The following PCDHGA11 variants were observed in gnomAD, a reference collection of about 807,000 sequenced individuals.
PCDHGA11 encodes the protein protocadherin gamma-A11.
PCDHGA11 carries 39 observed loss-of-function variants against 60.4 expected under a neutral mutation model. That is an observed-to-expected ratio of 0.65 (90% CI 0.50 to 0.84). PCDHGA11 has a LOEUF of 0.84. Among genes scored for constraint, PCDHGA11 ranks in the 40% least tolerant of loss-of-function variants. PCDHGA11 has a pLI of 0.00. For synonymous variants in PCDHGA11, 533 were observed against 510.3 expected (o/e 1.04, Z -0.60); for missense variants, 1,165 against 1,197.7 (o/e 0.97, Z 0.40).
intron 1 of PCDHGA11, among the ~76,000 whole-genome samples, chr5:141,464,436 TTTG>T (rs1043492514): frequency 1.1e-4 from 17 of 151,396 alleles, no homozygotes; most frequent in Non-Finnish European, 1.9e-4. Flanking sequence ...GATATATATG[TTTG>T]TTGTTGTTGT....
chr5:141,432,686 G>A lies in PCDHGA11; in HGVS notation c.2433+9026G>A. On this transcript the variant is annotated intron_variant, in intron 1 of 3. Transcript: ENST00000398587. The surrounding 1 kb of genome is among the most constrained non-coding windows in gnomAD (Gnocchi z 6.0). The stretch of plus-strand genomic sequence containing the variant: ...CAGAGACGCGCTCAAGCAGAGCCTC[G>A]TAGTGGCCGTCCAGGACCACGGCCA... 2 of 1,613,922 alleles carry A rather than the reference G, an allele frequency of 1.2e-6. No homozygotes were observed. The highest frequency in any genetic ancestry group is 1.7e-5 in the Admixed American group (1 of 60,020).
At chr5:141,434,193 T>C (rs2097677103) in intron 1 of PCDHGA11, among the ~76,000 whole-genome samples, 1 of 152,246 alleles carries the variant, frequency 6.6e-6, no homozygotes, top group Non-Finnish European at 1.5e-5. Flanking sequence ...GTAATTCCAA[T>C]GTACTTACTT....
Position 141,432,878 on chromosome 5 carries a change from TTCGTCA to T in PCDHGA11, c.2433+9221_2433+9226del. 6.2e-7 allele frequency: 1 copy of T among 1,614,178 alleles called. No individual in the cohort carries two copies. The highest frequency in any genetic ancestry group is 1.7e-5 in the Admixed American group (1 of 60,036). Reference sequence around the variant, plus strand: ...CGCGGTCTCCTGCGTCTTCCTGGCCTTCGTCATCTTGCTGCTGGCGCTCAGGCTGCG... The same window carrying T: ...CGCGGTCTCCTGCGTCTTCCTGGCCTTCTTGCTGCTGGCGCTCAGGCTGCG... On this transcript the variant is annotated intron_variant, in intron 1 of 3. Transcript: ENST00000398587. This position sits in a 1 kb window ranked among gnomAD's most constrained non-coding sequence, Gnocchi z 6.0.
chr5:141,511,140 C>T lies in PCDHGA11; in HGVS notation c.2775C>T (p.Asn925=). Reference sequence around the variant, plus strand: ...AGGCCCCAGCAGGTGGCAATGGCAACAAGAAGAAGTCGGGCAAGAAGGAGA... The same window carrying T: ...AGGCCCCAGCAGGTGGCAATGGCAATAAGAAGAAGTCGGGCAAGAAGGAGA... ...DGKAPAGGNG[N]KKKSGKKEKK is the part of the protein sequence containing the mutation. Residue 925 remains asparagine (N), a synonymous_variant, in exon 4 of 4, where the codon AAC becomes AAT. Transcript: ENST00000398587. The T allele has an allele frequency of 1.2e-6, 2 of 1,614,186 alleles. No homozygotes were observed. The highest frequency in any genetic ancestry group is 1.3e-5 in the African/African-American group (1 of 75,050).
At chr5:141,457,116 C>T (rs933634563) in intron 1 of PCDHGA11, among the ~76,000 whole-genome samples, 5 of 152,176 alleles carry the variant, frequency 3.3e-5, no homozygotes, top group Non-Finnish European at 7.3e-5. Flanking sequence ...AATACGACAG[C>T]AATGGAAACT....
intron 1 of PCDHGA11, chr5:141,424,567 A>T (rs1034112526): frequency 3.3e-5 from 5 of 152,176 alleles, no homozygotes; most frequent in African/African-American, 7.2e-5. Flanking sequence ...CTTCTCAAAA[A>T]CCTATTTTCA....
At chr5:141,453,517 C>T (rs1001603927) in intron 1 of PCDHGA11, among the ~76,000 whole-genome samples, 1 of 152,062 alleles carries the variant, frequency 6.6e-6, no homozygotes, top group African/African-American at 2.4e-5. Context: ...TCATTCCTCC[C>T]CTATACCTTC....
At chr5:141,505,241 T>C in intron 2 of PCDHGA11, 152 bp from the exon 3 acceptor site, 3 of 1,396,292 alleles carry the variant, frequency 2.1e-6, no homozygotes, top group South Asian at 1.4e-5. Flanking sequence ...TTCTGAAGGA[T>C]TGTAGAAGTG....
chr5:141,436,121 C>T (rs2097796819), intron 1 of PCDHGA11, among the ~76,000 whole-genome samples: 1 of 152,154 alleles, frequency 6.6e-6, no homozygotes, highest in Admixed American at 6.5e-5. Context: ...AAACCTCTCT[C>T]CTCCATCATC....
rs773484841 is a variant in PCDHGA11 at position 141,432,092 on chromosome 5, A to G, written c.2433+8432A>G. 4.3e-6 allele frequency: 7 copies of G among 1,614,104 alleles called. No individual in the cohort carries two copies. The East Asian group carries it at 1.6e-4, about 36-fold the overall frequency. On this transcript the variant is annotated intron_variant, in intron 1 of 3. Transcript: ENST00000398587. The surrounding 1 kb of genome is among the most constrained non-coding windows in gnomAD (Gnocchi z 6.0). Reference sequence around the variant, plus strand: ...TCATATCTCGCTGAACGTGGCAGACACCAACGACAACCCGCCGGTCTTCCC... The same window carrying G: ...TCATATCTCGCTGAACGTGGCAGACGCCAACGACAACCCGCCGGTCTTCCC...
intron 1 of PCDHGA11, among the ~76,000 whole-genome samples, chr5:141,434,935 T>C (rs952530533): frequency 6.6e-6 from 1 of 151,788 alleles, no homozygotes; most frequent in Non-Finnish European, 1.5e-5. Flanking sequence ...TTTTATATAA[T>C]AGATATAATT....
intron 1 of PCDHGA11, among the ~76,000 whole-genome samples, chr5:141,473,611 G>C (rs2099325261): frequency 6.6e-6 from 1 of 152,140 alleles, no homozygotes; most frequent in Non-Finnish European, 1.5e-5. Context: ...GCAAAGCAAA[G>C]GGAGGGAGGA....
intron 1 of PCDHGA11, among the ~76,000 whole-genome samples, chr5:141,460,997 G>A (rs1322943324): frequency 3.4e-5 from 5 of 147,290 alleles, no homozygotes; most frequent in Admixed American, 1.4e-4. Flanking sequence ...ATATATATAT[G>A]TGTATATATA....
In PCDHGA11 at chr5:141,432,219, T is replaced by A. The variant is rs1327611752; in HGVS notation, c.2433+8559T>A. 6.2e-7 allele frequency: 1 copy of A among 1,614,122 alleles called. No homozygotes were observed. Among genetic ancestry groups the A allele is most frequent in the East Asian group, 2.2e-5 (1 of 44,868 alleles). On this transcript the variant is annotated intron_variant, in intron 1 of 3. Transcript: ENST00000398587. The surrounding 1 kb of genome is among the most constrained non-coding windows in gnomAD (Gnocchi z 6.0). The stretch of plus-strand genomic sequence containing the variant: ...CCCGACTGTGAAGAGAACGCCCAGA[T>A]CACTTATTCCCTGGCTGAGAACACC...
In PCDHGA11 at chr5:141,432,255, C is replaced by T. The variant is rs1561859576; in HGVS notation, c.2433+8595C>T. The T allele has an allele frequency of 6.2e-7, 1 of 1,614,246 alleles. No individual in the cohort carries two copies. The highest frequency in any genetic ancestry group is 8.5e-7 in the Non-Finnish European group (1 of 1,180,048). On this transcript the variant is annotated intron_variant, in intron 1 of 3. Transcript: ENST00000398587. This position sits in a 1 kb window ranked among gnomAD's most constrained non-coding sequence, Gnocchi z 6.0. The stretch of plus-strand genomic sequence containing the variant: ...CTGGCTGAGAACACCATCCAAGGGG[C>T]AAGCCTATCGTCCTACGTGTCCATC...
intron 1 of PCDHGA11, among the ~76,000 whole-genome samples, chr5:141,453,121 G>A (rs62379169): frequency 4.7e-4 from 71 of 151,818 alleles, no homozygotes; most frequent in Non-Finnish European, 8.4e-4. Flanking sequence ...GTTTTGTTTT[G>A]TTTTGTTTTT....
In PCDHGA11 at chr5:141,512,237, G is replaced by A. The variant is rs2099884134; in HGVS notation, c.*1064G>A. ...AGGACCAGGTCCCCTTGAGAGGTCA[G>A]AGGGGCCTCTGTGGGTGCTGGGTAC... On this transcript the variant is annotated 3_prime_UTR_variant, in exon 4 of 4. Transcript: ENST00000398587. 1 of 152,774 alleles carries A rather than the reference G, an allele frequency of 6.5e-6. No homozygotes were observed. The highest frequency in any genetic ancestry group is 1.5e-5 in the Non-Finnish European group (1 of 68,148). The allele number at this position is 152,774 out of a possible 1,614,324, so 9.5% of individuals were successfully genotyped here.
chr5:141,469,565 C>T (rs1410607165), intron 1 of PCDHGA11, among the ~76,000 whole-genome samples: 1 of 152,082 alleles, frequency 6.6e-6, no homozygotes, highest in East Asian at 1.9e-4. Context: ...CAGAGTGAGA[C>T]TCTGTCTCTA....
chr5:141,426,451 C>T (rs561567196), intron 1 of PCDHGA11: 1 of 308,946 alleles, frequency 3.2e-6, no homozygotes, highest in Non-Finnish European at 6.4e-6. Flanking sequence ...GGACATGCGG[C>T]TGCATGTTCA....
Sources: gnomAD v4.1 joint callset for allele counts (sites outside exome capture counted in the v4.1 genomes callset) on GRCh38, gnomAD v4.1.1 for gene constraint, Gnocchi (gnomAD v3.1) non-coding constraint, MANE v1.5 for transcripts, NCBI Gene and HGNC (gene_info 2026-07-23, HGNC 2026-07-21) for gene names.